AMPD3: variants seen among roughly 807,000 people sequenced by gnomAD.
AMPD3 encodes AMP deaminase 3.
In AMPD3, 57 loss-of-function variants were observed where a neutral mutation model predicts 82.3. The observed-to-expected ratio is 0.69, with a 90% CI of 0.56 to 0.86. The LOEUF is 0.86. Ranked by LOEUF, AMPD3 falls within the 40% of genes least tolerant of loss-of-function variation. The pLI, the probability that AMPD3 is intolerant of heterozygous loss-of-function variation, is 0.00. For synonymous variants in AMPD3, 381 were observed against 394.7 expected (o/e 0.97, Z 0.41); for missense variants, 870 against 1,003.8 (o/e 0.87, Z 1.80).
At chr11:10,496,977 C>T in intron 10 of AMPD3, 39 bp downstream of exon 10, 2 of 1,609,600 alleles carry the variant, frequency 1.2e-6, no homozygotes, top group Non-Finnish European at 1.7e-6. Context: ...CTCATAGCGG[C>T]AGAGGCAGGA....
chr11:10,497,461 C>A (rs558311324), intron 10 of AMPD3: 4 of 463,898 alleles, frequency 8.6e-6, no homozygotes, highest in African/African-American at 2.1e-5. Flanking sequence ...GGGAGGGAGG[C>A]GGAGGGGGCG....
upstream of AMPD3, chr11:10,450,457 G>T: frequency 2.0e-6 from 2 of 985,684 alleles, no homozygotes; most frequent in Non-Finnish European, 2.4e-6. Flanking sequence ...ACCTGTGCGG[G>T]GCCGAGACCC....
At chr11:10,470,093 G>A (rs1848545577) in intron 2 of AMPD3, among the ~76,000 whole-genome samples, 1 of 150,682 alleles carries the variant, frequency 6.6e-6, no homozygotes, top group Non-Finnish European at 1.5e-5. Context: ...AAATCCAGCA[G>A]CACATCAAAA....
chr11:10,498,074 C>T (rs778979920), intron 10 of AMPD3, among the ~76,000 whole-genome samples: 2 of 152,198 alleles, frequency 1.3e-5, no homozygotes, highest in African/African-American at 2.4e-5. Flanking sequence ...CGTTTCCAGG[C>T]AGGCTGACTC....
At chr11:10,500,318 C>A in intron 11 of AMPD3, 69 bp downstream of exon 11, 1 of 1,554,944 alleles carries the variant, frequency 6.4e-7, no homozygotes, top group Non-Finnish European at 8.9e-7. Context: ...CACACACATG[C>A]ACACACACAT....
intron 1 of AMPD3, among the ~76,000 whole-genome samples, chr11:10,457,450 A>G (rs957585619): frequency 2.6e-5 from 4 of 152,170 alleles, no homozygotes. Flanking sequence ...ACATCTCCCA[A>G]TAACTGACCA....
intron 3 of AMPD3, among the ~76,000 whole-genome samples, chr11:10,480,891 G>A (rs1365832640): frequency 2.0e-5 from 3 of 152,182 alleles, no homozygotes; most frequent in Non-Finnish European, 2.9e-5. Flanking sequence ...CATTGTGTCT[G>A]TCTGGCCACT....
At chr11:10,464,601 A>G (rs921617049) in intron 2 of AMPD3, among the ~76,000 whole-genome samples, 19 of 152,304 alleles carry the variant, frequency 1.2e-4, no homozygotes, top group Admixed American at 2.6e-4. Flanking sequence ...CGCTCTGTCC[A>G]TCGGCTTCTT....
intron 5 of AMPD3, chr11:10,486,861 C>G (rs10770120): frequency 0.8 from 787,534 of 985,090 alleles, 315,149 homozygotes; most frequent in East Asian, 0.88. Flanking sequence ...TCTGCTTGGA[C>G]TCAGGCCCTT....
chr11:10,483,128 G>A (rs1451719158), intron 4 of AMPD3, among the ~76,000 whole-genome samples: 1 of 152,200 alleles, frequency 6.6e-6, no homozygotes, highest in Non-Finnish European at 1.5e-5. Context: ...TTCAGTTCTG[G>A]CATCTAGTGA....
chr11:10,461,756 A>C lies in AMPD3; in HGVS notation c.221+16A>C. 6.3e-7 allele frequency: 1 copy of C among 1,590,502 alleles called. No homozygotes were observed. Among genetic ancestry groups the C allele is most frequent in the South Asian group, 1.1e-5 (1 of 88,630 alleles). On this transcript the variant is annotated intron_variant, in intron 2 of 14. Coordinates refer to ENST00000396553, the MANE Select transcript of AMPD3 (RefSeq NM_001025389.2). ...CCGCAAAAAGGTTTGTTCCCAAGGC[A>C]TGGTTTTCGTGTACATAGAGTCATG...
At chr11:10,490,685 T>C (rs1236873933) in intron 6 of AMPD3, 2 of 982,982 alleles carry the variant, frequency 2.0e-6, no homozygotes, top group Admixed American at 6.2e-5. Context: ...TTGTGACTCA[T>C]GGGGGTAAGG....
chr11:10,475,490 G>A lies in AMPD3; in HGVS notation c.222-3036G>A, dbSNP rs574741083. Among the ~76,000 whole-genome samples the A allele has an allele frequency of 4.6e-5, 7 of 152,238 alleles. No individual in the cohort carries two copies. In the East Asian group the frequency reaches 5.8e-4, roughly 13 times the overall value. On this transcript the variant is annotated intron_variant, in intron 2 of 14. Transcript: ENST00000396553. ...CTCTACCTTTACTGGCTGGGCCTCGGTTGTATAGAATGGATGCTAGATATG... is the reference window on the plus strand; with the variant it reads ...CTCTACCTTTACTGGCTGGGCCTCGATTGTATAGAATGGATGCTAGATATG...
At chr11:10,481,339 T>C in intron 3 of AMPD3, 3 of 682,962 alleles carry the variant, frequency 4.4e-6, no homozygotes, top group Non-Finnish European at 3.6e-6. Flanking sequence ...TTTTCTCAAC[T>C]GAAAATGACG....
upstream of AMPD3, chr11:10,450,884 C>A: frequency 8.1e-7 from 1 of 1,227,304 alleles, no homozygotes; most frequent in South Asian, 3.5e-5. Flanking sequence ...TCTGAACGCC[C>A]GGCCCCCGCG....
intron 2 of AMPD3, among the ~76,000 whole-genome samples, chr11:10,467,205 A>G (rs1848446422): frequency 6.6e-6 from 1 of 152,222 alleles, no homozygotes; most frequent in Non-Finnish European, 1.5e-5. Flanking sequence ...AAGGTGGGTA[A>G]TAACAAACGC....
At chr11:10,490,134 C>T (rs1196961740) in intron 6 of AMPD3, among the ~76,000 whole-genome samples, 6 of 152,124 alleles carry the variant, frequency 3.9e-5, no homozygotes, top group African/African-American at 1.2e-4. Flanking sequence ...GCGACGTGGC[C>T]GTGGATCTGT....
At chr11:10,488,017 A>G (rs1225876640) in intron 6 of AMPD3, among the ~76,000 whole-genome samples, 5 of 152,224 alleles carry the variant, frequency 3.3e-5, no homozygotes, top group African/African-American at 1.2e-4. Context: ...CCTGAAAAAA[A>G]AAAAAGATCT....
intron 2 of AMPD3, among the ~76,000 whole-genome samples, chr11:10,469,388 A>C (rs899043190): frequency 9.2e-5 from 14 of 152,346 alleles, no homozygotes; most frequent in African/African-American, 3.1e-4. Flanking sequence ...ATAAATTAGA[A>C]AATCTAGAAG....
Sources: allele counts gnomAD v4.1 joint callset (sites outside exome capture counted in the v4.1 genomes callset), GRCh38; gene constraint gnomAD v4.1.1; transcripts MANE v1.5; gene names NCBI Gene and HGNC (gene_info 2026-07-23, HGNC 2026-07-21).